POPDC1: variants seen among roughly 807,000 people sequenced by gnomAD.
POPDC1 encodes popeye domain cAMP effector 1.
the POPDC1 span, among the ~76,000 whole-genome samples, chr6:105,122,465 T>C: frequency 9.9e-5 from 15 of 152,206 alleles, no homozygotes; most frequent in Non-Finnish European, 1.6e-4. Context: ...TTTTGTTGAC[T>C]TAATTATAAA....
chr6:105,125,002 T>TC, the POPDC1 span, among the ~76,000 whole-genome samples: 1 of 152,130 alleles, frequency 6.6e-6, no homozygotes, highest in Non-Finnish European at 1.5e-5. Flanking sequence ...ACTGACTCTC[T>TC]CCCCAAAAGG....
At chr6:105,123,757 C>T in the POPDC1 span, among the ~76,000 whole-genome samples, 310 of 152,260 alleles carry the variant, frequency 2.0e-3, no homozygotes, top group African/African-American at 5.4e-3. Flanking sequence ...ATTGCCATTA[C>T]GAAGAACTTC....
chr6:105,123,602 A>G, the POPDC1 span, among the ~76,000 whole-genome samples: 1 of 152,036 alleles, frequency 6.6e-6, no homozygotes, highest in African/African-American at 2.4e-5. Flanking sequence ...GGGTTTCACC[A>G]TGTTAACCAG....
At chr6:105,104,932 T>C in the POPDC1 span, among the ~76,000 whole-genome samples, 1,190 of 152,304 alleles carry the variant, frequency 7.8e-3, 19 homozygotes, top group African/African-American at 0.027. Context: ...TTCAGAGCAA[T>C]TCACCCTCAC....
At chr6:105,124,690 T>C in the POPDC1 span, 4 of 1,373,592 alleles carry the variant, frequency 2.9e-6, no homozygotes, top group Non-Finnish European at 4.1e-6. Flanking sequence ...AAAAGCAATA[T>C]TTCACAAATA....
chr6:105,105,383 G>C, the POPDC1 span, among the ~76,000 whole-genome samples: 7 of 152,278 alleles, frequency 4.6e-5, no homozygotes, highest in African/African-American at 1.7e-4. Flanking sequence ...CTGGCCTTCT[G>C]TACCATTGAG....
the POPDC1 span, among the ~76,000 whole-genome samples, chr6:105,102,430 T>C: frequency 6.6e-5 from 10 of 152,286 alleles, no homozygotes; most frequent in African/African-American, 2.2e-4. Context: ...CGGCTGCTCC[T>C]GGAGGGAGGC....
chr6:105,111,962 T>C, the POPDC1 span, among the ~76,000 whole-genome samples: 1 of 152,218 alleles, frequency 6.6e-6, no homozygotes, highest in African/African-American at 2.4e-5. Context: ...TACCGGCAGA[T>C]GAGAAAGACA....
At chr6:105,116,355 C>T in the POPDC1 span, among the ~76,000 whole-genome samples, 1 of 152,198 alleles carries the variant, frequency 6.6e-6, no homozygotes, top group East Asian at 1.9e-4. Context: ...TTCCTGATCG[C>T]TGGGGTCTGT....
the POPDC1 span, among the ~76,000 whole-genome samples, chr6:105,123,396 TTTG>T: frequency 1.4e-5 from 2 of 147,992 alleles, no homozygotes; most frequent in African/African-American, 2.6e-5. Flanking sequence ...CAATTTGTTT[TTTG>T]TTGTTGTTTG....
chr6:105,117,355 TC>T, the POPDC1 span, among the ~76,000 whole-genome samples: 12,954 of 152,176 alleles, frequency 0.085, 603 homozygotes, highest in Middle Eastern at 0.19. Flanking sequence ...TCAAGGGCCC[TC>T]GGCTGTTGCT....
At chr6:105,127,076 C>T in the POPDC1 span, among the ~76,000 whole-genome samples, 1 of 152,198 alleles carries the variant, frequency 6.6e-6, no homozygotes, top group South Asian at 2.1e-4. Context: ...CCATACTGCA[C>T]TGTATCTCTG....
At chr6:105,106,586 C>T in the POPDC1 span, among the ~76,000 whole-genome samples, 1 of 152,216 alleles carries the variant, frequency 6.6e-6, no homozygotes, top group Non-Finnish European at 1.5e-5. Flanking sequence ...AGAGTCTCTC[C>T]TGGGCAGAAC....
At chr6:105,130,116 TTAAG>T in the POPDC1 span, among the ~76,000 whole-genome samples, 28 of 151,270 alleles carry the variant, frequency 1.9e-4, no homozygotes, top group African/African-American at 5.6e-4. Flanking sequence ...TTCTACTACT[TTAAG>T]AAAGCCATTA....
chr6:105,123,388 A>G, the POPDC1 span, among the ~76,000 whole-genome samples: 13 of 150,838 alleles, frequency 8.6e-5, no homozygotes, highest in African/African-American at 3.0e-4. Flanking sequence ...TAATGGAGCA[A>G]TTTGTTTTTT....
chr6:105,118,234 T>G, the POPDC1 span, among the ~76,000 whole-genome samples: 1 of 152,216 alleles, frequency 6.6e-6, no homozygotes, highest in Non-Finnish European at 1.5e-5. Context: ...AGGGGATATG[T>G]ACATCTACCA....
the POPDC1 span, among the ~76,000 whole-genome samples, chr6:105,116,394 C>G: frequency 6.6e-6 from 1 of 152,152 alleles, no homozygotes; most frequent in Non-Finnish European, 1.5e-5. Flanking sequence ...AAACCTCCAG[C>G]TGCCCTGTCC....
chr6:105,124,553 T>C, the POPDC1 span: 469 of 1,594,736 alleles, frequency 2.9e-4, no homozygotes, highest in African/African-American at 1.9e-3. Context: ...ATACCTGGAA[T>C]TTTTCACCTT....
chr6:105,115,685 C>CT, the POPDC1 span: 1 of 1,613,908 alleles, frequency 6.2e-7, no homozygotes, highest in African/African-American at 1.3e-5. Flanking sequence ...GGATAACTTA[C>CT]GAAGAGAGGA....
Sources: allele counts gnomAD v4.1 joint callset (sites outside exome capture counted in the v4.1 genomes callset), GRCh38; gene constraint gnomAD v4.1.1; transcripts MANE v1.5; gene names NCBI Gene and HGNC (gene_info 2026-07-23, HGNC 2026-07-21).